Variants in COL11A1 observed in about 807,000 individuals in gnomAD.
COL11A1 encodes the protein collagen alpha-1(XI) chain.
In COL11A1, 74 loss-of-function variants were observed where a neutral mutation model predicts 265.2. The ratio of observed to expected loss-of-function variants is 0.28; its 90% CI spans 0.23 to 0.34. The LOEUF (loss-of-function observed/expected upper bound fraction) is 0.34. COL11A1 is among the 10% of genes least tolerant of loss of function. The pLI is 1.00. For missense variants in COL11A1, 2,165 were observed against 2,263.6 expected (o/e 0.96, Z 0.88); for synonymous variants, 816 against 727.6 (o/e 1.12, Z -1.96).
At chr1:103,022,013 A>ATTTTTTT (rs11381607) in intron 8 of COL11A1, among the ~76,000 whole-genome samples, 58 of 139,590 alleles carry the variant, frequency 4.2e-4, no homozygotes, top group African/African-American at 9.5e-4. Flanking sequence ...CACCTAGCTA[A>ATTTTTTT]TTTTTTTTTT....
At chr1:102,999,659 AG>A (rs1664937702) in intron 24 of COL11A1, among the ~76,000 whole-genome samples, 1 of 151,874 alleles carries the variant, frequency 6.6e-6, no homozygotes, top group African/African-American at 2.4e-5. Context: ...ATAAAAGCAC[AG>A]GCTATGATAA....
chr1:103,018,994 A>G, intron 9 of COL11A1, 135 bp from the exon 10 acceptor site: 1 of 688,120 alleles, frequency 1.5e-6, no homozygotes, highest in East Asian at 2.7e-5. Context: ...AATTAATTAC[A>G]AATGTTTTTG....
chr1:102,989,082 A>C (rs1055224529), intron 29 of COL11A1, among the ~76,000 whole-genome samples: 4 of 152,146 alleles, frequency 2.6e-5, no homozygotes, highest in Non-Finnish European at 5.9e-5. Flanking sequence ...ACATTCAAAA[A>C]TTGAACACCA....
intron 24 of COL11A1, chr1:103,001,411 A>G: frequency 2.5e-6 from 1 of 402,122 alleles, no homozygotes; most frequent in Non-Finnish European, 4.4e-6. Flanking sequence ...AAGGAATCTC[A>G]CAGTGGAGAT....
At chr1:103,034,932 T>C (rs570257657) in intron 4 of COL11A1, among the ~76,000 whole-genome samples, 37 of 152,128 alleles carry the variant, frequency 2.4e-4, no homozygotes, top group Non-Finnish European at 4.3e-4. Context: ...TCTAAGTAAG[T>C]AGTCTTTGCT....
At chr1:103,078,965 C>G (rs1198051262) in intron 2 of COL11A1, 94 bp from the exon 3 acceptor site, 1 of 843,862 alleles carries the variant, frequency 1.2e-6, no homozygotes, top group East Asian at 2.7e-5. Context: ...TTCTACATGG[C>G]CTTTATAAAT....
intron 4 of COL11A1, among the ~76,000 whole-genome samples, chr1:103,064,555 G>A (rs1670929988): frequency 6.6e-6 from 1 of 151,956 alleles, no homozygotes; most frequent in Non-Finnish European, 1.5e-5. Context: ...GCCAGGCGTG[G>A]TGGTGGGTGC....
At chr1:102,974,112 G>T (rs999889773) in intron 36 of COL11A1, among the ~76,000 whole-genome samples, 3 of 152,076 alleles carry the variant, frequency 2.0e-5, no homozygotes, top group Admixed American at 6.6e-5. Context: ...GACTACATTT[G>T]AGAACCACTG....
At chr1:102,891,561 A>G (rs140428021) in intron 57 of COL11A1, among the ~76,000 whole-genome samples, 13 of 152,052 alleles carry the variant, frequency 8.5e-5, no homozygotes, top group African/African-American at 3.1e-4. Flanking sequence ...ACTTTCGAAC[A>G]AACTGTTTTA....
At position 103,069,612 on chromosome 1, in the gene COL11A1, G is replaced by T. The variant is rs142626694; in HGVS notation, c.651+5006C>A. 1.5e-3 allele frequency among the ~76,000 whole-genome samples: 223 copies of T among 151,660 alleles called. 1 individual carries two copies. Among genetic ancestry groups the T allele is most frequent in the Non-Finnish European group, 7.1e-4 (48 of 67,728 alleles). ...GACACCAATAAGAAAACAAAAAAAA[G>T]GCAAGTCACATACTGGAAAAAATAT... On this transcript the variant is annotated intron_variant, in intron 4 of 66. Coordinates refer to ENST00000370096, the MANE Select transcript of COL11A1 (RefSeq NM_001854.4).
chr1:102,997,997 C>A (rs1664786573), intron 25 of COL11A1, among the ~76,000 whole-genome samples: 1 of 151,580 alleles, frequency 6.6e-6, no homozygotes, highest in African/African-American at 2.4e-5. Flanking sequence ...AAATTTAGAT[C>A]ATGCAAGAAT....
intron 1 of COL11A1, among the ~76,000 whole-genome samples, chr1:103,088,975 C>T (rs528553067): frequency 1.7e-4 from 26 of 152,306 alleles, no homozygotes; most frequent in Admixed American, 1.0e-3. Flanking sequence ...ACTATCGACT[C>T]GCCCATCCTG....
chr1:103,071,725 G>A (rs543460569), intron 4 of COL11A1, among the ~76,000 whole-genome samples: 6 of 150,168 alleles, frequency 4.0e-5, no homozygotes, highest in Non-Finnish European at 8.9e-5. Context: ...TGACAGATGG[G>A]TCACTGTTAG....
At chr1:103,038,448 C>G (rs1668545607) in intron 4 of COL11A1, among the ~76,000 whole-genome samples, 1 of 151,750 alleles carries the variant, frequency 6.6e-6, no homozygotes, top group East Asian at 1.9e-4. Flanking sequence ...TCAGCCTGCT[C>G]GACAAAGCGA....
At chr1:102,977,093 T>C (rs1662566891) in intron 35 of COL11A1, among the ~76,000 whole-genome samples, 1 of 152,154 alleles carries the variant, frequency 6.6e-6, no homozygotes, top group Admixed American at 6.5e-5. Flanking sequence ...GTTATTTCAT[T>C]TTCTAATCCA....
intron 41 of COL11A1, among the ~76,000 whole-genome samples, chr1:102,949,910 G>A (rs1425337977): frequency 6.6e-6 from 1 of 152,080 alleles, no homozygotes; most frequent in Non-Finnish European, 1.5e-5. Flanking sequence ...AAAACTTAAA[G>A]GAATTGATGA....
At chr1:102,921,170 T>C (rs1655951037) in intron 48 of COL11A1, among the ~76,000 whole-genome samples, 1 of 152,186 alleles carries the variant, frequency 6.6e-6, no homozygotes, top group African/African-American at 2.4e-5. Context: ...TGAAAGCCAC[T>C]GTTAACAAGT....
chr1:103,017,887 A>G lies in COL11A1; in HGVS notation c.1351-5T>C. ...ACCTGGAGGACCCATAATACCCTATAGAGAAACACACCATATCTTAATCAG... is the reference window on the plus strand; with the variant it reads ...ACCTGGAGGACCCATAATACCCTATGGAGAAACACACCATATCTTAATCAG... On this transcript the variant is annotated splice_polypyrimidine_tract_variant and splice_region_variant and intron_variant, in intron 10 of 66. Transcript: ENST00000370096. 1 of 1,609,386 alleles carries G rather than the reference A, an allele frequency of 6.2e-7. No individual in the cohort carries two copies. The highest frequency in any genetic ancestry group is 8.5e-7 in the Non-Finnish European group (1 of 1,175,776).
chr1:102,982,262 A>G lies in COL11A1; in HGVS notation c.2556+1876T>C, dbSNP rs559292863. Among the ~76,000 whole-genome samples the G allele has an allele frequency of 2.0e-5, 3 of 152,164 alleles. No homozygotes were observed. In the East Asian group the frequency reaches 5.8e-4, roughly 29 times the overall value. On this transcript the variant is annotated intron_variant, in intron 31 of 66. Transcript: ENST00000370096. ...CTGTTGCATTTTGTTAATAAAAACA[A>G]TTCAAAGATTATTGATCAGAGAACT...
Sources: gnomAD v4.1 joint callset for allele counts (sites outside exome capture counted in the v4.1 genomes callset) on GRCh38, gnomAD v4.1.1 for gene constraint, MANE v1.5 for transcripts, NCBI Gene and HGNC (gene_info 2026-07-23, HGNC 2026-07-21) for gene names.